The following CDC40 variants were observed in gnomAD, a reference collection of about 807,000 sequenced individuals.
CDC40 encodes the protein cell division cycle 40, also known as pre-mRNA-processing factor 17.
CDC40 carries 27 observed loss-of-function variants against 80.6 expected under a neutral mutation model. The ratio of observed to expected loss-of-function variants is 0.33; its 90% CI spans 0.25 to 0.46. The LOEUF is 0.46. CDC40 is among the 20% of genes least tolerant of loss of function. The probability of loss-of-function intolerance (pLI) is 1.00; values close to 1 mark genes in which losing one functional copy is unlikely to be tolerated. For synonymous variants in CDC40, 221 were observed against 232.6 expected (o/e 0.95, Z 0.45); for missense variants, 486 against 694.1 (o/e 0.70, Z 3.37).
At chr6:110,216,807 A>C (rs147409886) in intron 9 of CDC40, among the ~76,000 whole-genome samples, 12 of 152,308 alleles carry the variant, frequency 7.9e-5, no homozygotes, top group African/African-American at 2.9e-4. Flanking sequence ...GTAACTTTTA[A>C]AAGAGTTGAG....
At chr6:110,196,853 T>C (rs1315057268) in intron 2 of CDC40, among the ~76,000 whole-genome samples, 1 of 151,328 alleles carries the variant, frequency 6.6e-6, no homozygotes, top group East Asian at 1.9e-4. Context: ...TAACAGACTC[T>C]TCTCACCTTA....
At chr6:110,229,044 A>C in intron 14 of CDC40, 68 bp downstream of exon 14, 1 of 1,191,714 alleles carries the variant, frequency 8.4e-7, no homozygotes, top group Non-Finnish European at 1.2e-6. Flanking sequence ...TTGTACAAAT[A>C]ACACTTGACA....
chr6:110,180,729 T>G (rs947786878), intron 1 of CDC40, 96 bp downstream of exon 1: 3 of 824,052 alleles, frequency 3.6e-6, no homozygotes, highest in Admixed American at 4.6e-5. Context: ...TCTTTCTCAG[T>G]GCTCAGAGAT....
rs116882589 is a variant in CDC40, at chr6:110,219,872, G to A, written c.1340+3G>A. 55,716 of 1,612,446 alleles carry A rather than the reference G, an allele frequency of 0.035. 1,169 individuals are homozygous for A. Among genetic ancestry groups the A allele is most frequent in the South Asian group, 0.041 (3,670 of 90,612 alleles). ...AAAAGCCTAAGAGTTTGGGAATGGTGAGTTTCCATCAGTAGAAAATCTGAT... is the reference window on the plus strand; with the variant it reads ...AAAAGCCTAAGAGTTTGGGAATGGTAAGTTTCCATCAGTAGAAAATCTGAT... On this transcript the variant is annotated splice_donor_region_variant and intron_variant, in intron 12 of 14. Coordinates refer to ENST00000307731, the MANE Select transcript of CDC40 (RefSeq NM_015891.3).
At chr6:110,185,241 CTT>C (rs1227694611) in intron 1 of CDC40, among the ~76,000 whole-genome samples, 13 of 124,004 alleles carry the variant, frequency 1.0e-4, no homozygotes, top group Non-Finnish European at 1.5e-4. Context: ...ATCTTTTTTT[CTT>C]TTTTTTTTTT....
At chr6:110,217,866 G>T in intron 10 of CDC40, 63 bp downstream of exon 10, 1 of 861,852 alleles carries the variant, frequency 1.2e-6, no homozygotes, top group South Asian at 1.4e-5. Flanking sequence ...GAAATGGTGT[G>T]AGTAGTCTTT....
At chr6:110,221,721 A>G (rs1449849081) in intron 12 of CDC40, among the ~76,000 whole-genome samples, 1 of 152,214 alleles carries the variant, frequency 6.6e-6, no homozygotes, top group African/African-American at 2.4e-5. Context: ...AATTTTAAAT[A>G]TAGAGTGGTA....
intron 1 of CDC40, among the ~76,000 whole-genome samples, chr6:110,192,097 G>T (rs1407558006): frequency 1.3e-5 from 2 of 152,136 alleles, no homozygotes; most frequent in African/African-American, 2.4e-5. Flanking sequence ...TGACTGGGGA[G>T]GTTACTGGGG....
At chr6:110,189,030 T>C (rs1777311143) in intron 1 of CDC40, among the ~76,000 whole-genome samples, 1 of 152,236 alleles carries the variant, frequency 6.6e-6, no homozygotes, top group South Asian at 2.1e-4. Context: ...CCCTGACTGA[T>C]ACACCTAGTT....
At position 110,219,758 on chromosome 6, in the gene CDC40, T is replaced by C. The variant is rs1777744861; in HGVS notation, c.1229T>C (p.Ile410Thr). The C allele has an allele frequency of 6.2e-7, 1 of 1,614,040 alleles. No homozygotes were observed. Among genetic ancestry groups the C allele is most frequent in the Non-Finnish European group, 8.5e-7 (1 of 1,179,948 alleles). Residue 410 changes from isoleucine (I) to threonine (T), a missense_variant, in exon 12 of 15, where the codon ATT becomes ACT. Ile to Thr is a moderately conservative substitution (Grantham distance 89). Coordinates refer to ENST00000307731, the MANE Select transcript of CDC40 (RefSeq NM_015891.3). ...CAGTGGGACATTCGAAGTGGAGAAA[T>C]TGTGCAGGAATATGATCGGCATTTG... ...IVQWDIRSGE[I>T]VQEYDRHLGA...
At chr6:110,192,601 G>T (rs915630284) in intron 1 of CDC40, among the ~76,000 whole-genome samples, 4 of 152,218 alleles carry the variant, frequency 2.6e-5, no homozygotes, top group Non-Finnish European at 4.4e-5. Flanking sequence ...GAGAATTATC[G>T]TATTTGTAAG....
Position 110,230,267 on chromosome 6 carries a change from CT to C in CDC40, c.*137del, listed in dbSNP as rs1357265817. 1.7e-6 allele frequency: 1 copy of C among 585,276 alleles called. No homozygotes were observed. Among genetic ancestry groups the C allele is most frequent in the Admixed American group, 3.6e-5 (1 of 27,562 alleles). 36.3% of individuals were successfully genotyped at this position (585,276 alleles called of 1,614,324 possible). A position where few individuals can be genotyped will look rare whatever the true frequency, so the allele number is the denominator to read the frequency against. On this transcript the variant is annotated 3_prime_UTR_variant, in exon 15 of 15. Coordinates refer to ENST00000307731, the MANE Select transcript of CDC40 (RefSeq NM_015891.3). ...TTGACCCTTTGTTTAAAAAAAGAAA[CT>C]GTAAATTTGACATAATTTCATTTGC...
chr6:110,194,445 C>T (rs1362068940), intron 2 of CDC40, among the ~76,000 whole-genome samples: 2 of 152,226 alleles, frequency 1.3e-5, no homozygotes, highest in Admixed American at 1.3e-4. Flanking sequence ...TCTGTATTCA[C>T]TTAAAAGATG....
At chr6:110,221,920 TC>T (rs1255466617) in intron 12 of CDC40, among the ~76,000 whole-genome samples, 4 of 151,640 alleles carry the variant, frequency 2.6e-5, no homozygotes, top group African/African-American at 4.9e-5. Context: ...TCCTAAAAAG[TC>T]ATGATACTGT....
intron 1 of CDC40, among the ~76,000 whole-genome samples, chr6:110,183,945 T>G (rs1777232435): frequency 6.6e-6 from 1 of 152,146 alleles, no homozygotes. Flanking sequence ...TGTTGCAAAT[T>G]TTTTTTCTTT....
intron 7 of CDC40, 52 bp downstream of exon 7, chr6:110,212,324 A>T (rs1279260584): frequency 4.4e-6 from 7 of 1,585,458 alleles, no homozygotes; most frequent in Non-Finnish European, 6.0e-6. Flanking sequence ...AATGAAGCCA[A>T]CGTAAAGTTT....
At chr6:110,198,558 C>A (rs1163707541) in intron 2 of CDC40, among the ~76,000 whole-genome samples, 2 of 152,082 alleles carry the variant, frequency 1.3e-5, no homozygotes, top group African/African-American at 4.8e-5. Flanking sequence ...TATTTATTTT[C>A]TTACTGTTGA....
chr6:110,226,062 A>G (rs1777855238), intron 12 of CDC40, 105 bp from the exon 13 acceptor site: 1 of 662,758 alleles, frequency 1.5e-6, no homozygotes, highest in African/African-American at 1.8e-5. Flanking sequence ...AATATATAAT[A>G]TCAAGAGTTT....
Position 110,180,592 on chromosome 6 carries a change from C to T in CDC40, c.148C>T (p.Leu50=). ...TAAATCGCCTTCATCAAAGCCGTCT[C>T]TAGCAGTGGCAGTGGACTCGGCTCC... ...LTKSPSSKPS[L]AVAVDSAPEV... The change falls in exon 1 of 15, where the codon CTA becomes TTA. Residue 50 remains leucine, a synonymous_variant. Coordinates refer to ENST00000307731, the MANE Select transcript of CDC40 (RefSeq NM_015891.3). 6.2e-7 allele frequency: 1 copy of T among 1,614,178 alleles called. No individual in the cohort carries two copies. The highest frequency in any genetic ancestry group is 8.5e-7 in the Non-Finnish European group (1 of 1,180,002).
Sources: gnomAD v4.1 joint callset for allele counts (sites outside exome capture counted in the v4.1 genomes callset) on GRCh38, gnomAD v4.1.1 for gene constraint, MANE v1.5 for transcripts, NCBI Gene and HGNC (gene_info 2026-07-23, HGNC 2026-07-21) for gene names.